ARNT2: variants seen among roughly 807,000 people sequenced by gnomAD.
ARNT2 encodes ARNT protein 2.
ARNT2 carries 36 observed loss-of-function variants against 91.7 expected under a neutral mutation model. That is an observed-to-expected ratio of 0.39 (90% CI 0.30 to 0.52). ARNT2 has a LOEUF of 0.52. Among genes scored for constraint, ARNT2 ranks in the 20% least tolerant of loss-of-function variants. ARNT2 has a pLI of 0.72. For synonymous variants in ARNT2, 365 were observed against 347.1 expected, an observed-to-expected ratio of 1.05 and a Z score of -0.57; for missense variants, 775 against 939.3, an observed-to-expected ratio of 0.83 and a Z score of 2.29.
At chr15:80,421,282 A>G (rs192740173) in intron 1 of ARNT2, among the ~76,000 whole-genome samples, 1 of 152,218 alleles carries the variant, frequency 6.6e-6, no homozygotes, top group African/African-American at 2.4e-5. Context: ...CTAAAAAACT[A>G]TATATTGAGT....
chr15:80,502,584 C>T (rs1221082928), intron 5 of ARNT2, among the ~76,000 whole-genome samples: 4 of 152,032 alleles, frequency 2.6e-5, no homozygotes, highest in South Asian at 2.1e-4. Context: ...TGAAGGGCTT[C>T]GGGGACTGAG....
rs1362622292 is a variant in ARNT2, at chr15:80,580,426, TG to T, written c.1630del (p.Val544CysfsTer4). 2 of 1,614,062 alleles carry T rather than the reference TG, an allele frequency of 1.2e-6. No individual in the cohort carries two copies. Among genetic ancestry groups the T allele is most frequent in the Non-Finnish European group, 1.7e-6 (2 of 1,180,018 alleles). On this transcript the variant is annotated frameshift_variant, in exon 16 of 19. Coordinates refer to ENST00000303329, the MANE Select transcript of ARNT2 (RefSeq NM_014862.4). LOFTEE classifies it high-confidence loss of function. ...GKAFSSSVVH[V>X]PGVNDIQSSS... ...TCTTTTCTAGCTCTTCAGTGGTTCATGTGCCTGGAGTGAATGATATTCAGTC... is the reference window on the plus strand; with the variant it reads ...TCTTTTCTAGCTCTTCAGTGGTTCATTGCCTGGAGTGAATGATATTCAGTC...
chr15:80,527,358 A>G (rs1364939053), intron 8 of ARNT2, among the ~76,000 whole-genome samples: 1 of 152,210 alleles, frequency 6.6e-6, no homozygotes, highest in Non-Finnish European at 1.5e-5. Context: ...GAGAAATGCC[A>G]TTAATTGGGA....
intron 8 of ARNT2, among the ~76,000 whole-genome samples, chr15:80,532,351 G>C (rs767652197): frequency 3.9e-5 from 6 of 152,258 alleles, no homozygotes; most frequent in Non-Finnish European, 5.9e-5. Context: ...TGTCAGCCAT[G>C]ATGACCATTT....
chr15:80,452,163 T>A (rs1595969008), intron 2 of ARNT2, among the ~76,000 whole-genome samples: 2 of 152,182 alleles, frequency 1.3e-5, no homozygotes, highest in East Asian at 3.8e-4. Context: ...GTTATGTGTG[T>A]TGTATAGTCT....
At chr15:80,576,526 C>T (rs954823734) in intron 14 of ARNT2, among the ~76,000 whole-genome samples, 2 of 152,232 alleles carry the variant, frequency 1.3e-5, no homozygotes, top group Admixed American at 1.3e-4. Context: ...ATCCGCCTGC[C>T]TCAGCCTCCC....
rs551170244 is a variant in ARNT2, at chr15:80,417,012, T to A, written c.31+12466T>A. ...TTGAGTACAGGTCCCAGGGGTTTTT[T>A]AAAAAAAAATTGTAACATTAACACT... On this transcript the variant is annotated intron_variant, in intron 1 of 18. Transcript: ENST00000303329. Among the ~76,000 whole-genome samples, 24 of 151,820 alleles carry A rather than the reference T, an allele frequency of 1.6e-4. No individual in the cohort carries two copies. In the East Asian group the frequency reaches 1.9e-3, roughly 12 times the overall value.
intron 12 of ARNT2, among the ~76,000 whole-genome samples, chr15:80,569,749 C>T (rs1331482160): frequency 6.6e-6 from 1 of 152,264 alleles, no homozygotes; most frequent in Non-Finnish European, 1.5e-5. Context: ...ACCCTTATCA[C>T]AGCCTTTATC....
chr15:80,448,241 T>C (rs1226364924), intron 1 of ARNT2, among the ~76,000 whole-genome samples: 36 of 152,248 alleles, frequency 2.4e-4, no homozygotes, highest in Non-Finnish European at 2.9e-5. Flanking sequence ...AAACCAGATA[T>C]ATCTGACTGC....
intron 1 of ARNT2, among the ~76,000 whole-genome samples, chr15:80,443,703 G>A (rs75005049): frequency 0.043 from 6,587 of 152,276 alleles, 167 homozygotes; most frequent in South Asian, 0.092. Flanking sequence ...GGTGAAGGAC[G>A]TGGTCCTGGA....
chr15:80,530,065 T>C (rs1243464652), intron 8 of ARNT2, among the ~76,000 whole-genome samples: 2 of 152,214 alleles, frequency 1.3e-5, no homozygotes, highest in African/African-American at 2.4e-5. Flanking sequence ...TAACTCGGTA[T>C]CTTCTTTTTC....
intron 5 of ARNT2, among the ~76,000 whole-genome samples, chr15:80,498,334 T>C (rs1897147286): frequency 6.6e-6 from 1 of 152,192 alleles, no homozygotes; most frequent in Non-Finnish European, 1.5e-5. Context: ...TACGTGGCCT[T>C]AAATGTAACT....
At chr15:80,569,062 C>T (rs776362006) in intron 12 of ARNT2, among the ~76,000 whole-genome samples, 6 of 152,234 alleles carry the variant, frequency 3.9e-5, no homozygotes, top group Non-Finnish European at 7.3e-5. Context: ...AGATGGTGCT[C>T]AGTCAGGGTG....
intron 5 of ARNT2, among the ~76,000 whole-genome samples, chr15:80,500,586 A>G (rs1013251645): frequency 6.6e-6 from 1 of 152,240 alleles, no homozygotes; most frequent in Non-Finnish European, 1.5e-5. Context: ...TTAAAAAGTT[A>G]CTACCGACCA....
chr15:80,574,344 G>T, intron 13 of ARNT2, 124 bp downstream of exon 13: 2 of 916,096 alleles, frequency 2.2e-6, no homozygotes, highest in Non-Finnish European at 3.5e-6. Context: ...CACTACAATG[G>T]AAAGAGCAGA....
At chr15:80,443,328 G>A (rs1896224479) in intron 1 of ARNT2, among the ~76,000 whole-genome samples, 1 of 152,220 alleles carries the variant, frequency 6.6e-6, no homozygotes, top group East Asian at 1.9e-4. Flanking sequence ...TGATGGCAGG[G>A]AACTCCAGGT....
chr15:80,429,433 G>A (rs912143011), intron 1 of ARNT2, among the ~76,000 whole-genome samples: 4 of 152,344 alleles, frequency 2.6e-5, no homozygotes, highest in South Asian at 2.1e-4. Context: ...ACATGGAGGC[G>A]CTCGCAAGGT....
intron 4 of ARNT2, 140 bp from the exon 5 acceptor site, chr15:80,474,869 CA>C: frequency 1.1e-6 from 1 of 898,846 alleles, no homozygotes; most frequent in East Asian, 2.4e-5. Flanking sequence ...TTTCCAGAAA[CA>C]AAGTTCTCAT....
chr15:80,532,606 G>A (rs1897757247), intron 8 of ARNT2, among the ~76,000 whole-genome samples: 2 of 152,210 alleles, frequency 1.3e-5, no homozygotes, highest in Admixed American at 6.5e-5. Flanking sequence ...AAAAGGCCCT[G>A]TGAGTGGCCA....
Sources: gnomAD v4.1 joint callset for allele counts (sites outside exome capture counted in the v4.1 genomes callset) on GRCh38, gnomAD v4.1.1 for gene constraint, MANE v1.5 for transcripts, NCBI Gene and HGNC (gene_info 2026-07-23, HGNC 2026-07-21) for gene names.